WIPI1: variants seen among roughly 807,000 people sequenced by gnomAD.
The protein encoded by WIPI1 is WD repeat domain phosphoinositide-interacting protein 1.
WIPI1 carries 45 observed loss-of-function variants against 55.3 expected under a neutral mutation model. That is an observed-to-expected ratio of 0.81 (90% confidence interval 0.64 to 1.04). WIPI1 has a LOEUF of 1.04. WIPI1 is among the 50% of genes least tolerant of loss of function. The pLI, the probability that WIPI1 is intolerant of heterozygous loss-of-function variation, is 0.00. For missense variants in WIPI1, 445 were observed against 559.0 expected, an observed-to-expected ratio of 0.80 and a Z score of 2.06; for synonymous variants, 195 against 217.6, an observed-to-expected ratio of 0.90 and a Z score of 0.92.
At chr17:68,450,163 C>CA (rs11422156) in intron 3 of WIPI1, among the ~76,000 whole-genome samples, 108,194 of 151,820 alleles carry the variant, frequency 0.71, 38,990 homozygotes, top group Middle Eastern at 0.79. Flanking sequence ...GAAAATGCTA[C>CA]AAAAAAAACA....
chr17:68,433,390 G>T, intron 8 of WIPI1, 78 bp downstream of exon 8: 2 of 1,272,174 alleles, frequency 1.6e-6, no homozygotes, highest in Non-Finnish European at 2.3e-6. Flanking sequence ...AAAGAAAAGA[G>T]ATCATTCATG....
intron 4 of WIPI1, 149 bp downstream of exon 4, chr17:68,444,344 G>A (rs951247856): frequency 2.5e-5 from 17 of 686,924 alleles, no homozygotes; most frequent in African/African-American, 3.7e-5. Context: ...TGAATCTGCC[G>A]CCATTAAGAC....
intron 3 of WIPI1, among the ~76,000 whole-genome samples, chr17:68,447,052 C>A (rs912661099): frequency 6.6e-6 from 1 of 152,216 alleles, no homozygotes; most frequent in African/African-American, 2.4e-5. Context: ...GCCTTCAACT[C>A]AGCTCCTTGT....
chr17:68,424,078 G>A (rs1269437748), intron 12 of WIPI1, among the ~76,000 whole-genome samples: 4 of 152,156 alleles, frequency 2.6e-5, no homozygotes, highest in African/African-American at 9.7e-5. Flanking sequence ...TGAGGGTGCA[G>A]AAGAACGCCC....
At chr17:68,437,043 T>TGTGTGTG (rs2083843495) in intron 4 of WIPI1, among the ~76,000 whole-genome samples, 1 of 149,644 alleles carries the variant, frequency 6.7e-6, no homozygotes, top group Non-Finnish European at 1.5e-5. Context: ...TGTGTATATA[T>TGTGTGTG]TGCTCATTTT....
intron 7 of WIPI1, 53 bp from the exon 8 acceptor site, chr17:68,433,628 C>T: frequency 1.4e-6 from 2 of 1,421,798 alleles, no homozygotes; most frequent in Non-Finnish European, 2.0e-6. Context: ...GGAGTTATGG[C>T]CTTATAACTC....
At chr17:68,456,148 T>C (rs2084640141) in intron 1 of WIPI1, among the ~76,000 whole-genome samples, 1 of 152,252 alleles carries the variant, frequency 6.6e-6, no homozygotes, top group Admixed American at 6.5e-5. Flanking sequence ...GTATTGTGGA[T>C]TGTGGTCAAG....
chr17:68,447,937 G>A (rs1323185778), intron 3 of WIPI1, among the ~76,000 whole-genome samples: 4 of 142,724 alleles, frequency 2.8e-5, no homozygotes, highest in Admixed American at 2.2e-4. Context: ...AGGTTGTGGT[G>A]AGCTGAGACT....
At chr17:68,451,857 G>A (rs751721593) in intron 2 of WIPI1, among the ~76,000 whole-genome samples, 8 of 152,152 alleles carry the variant, frequency 5.3e-5, no homozygotes, top group African/African-American at 1.9e-4. Flanking sequence ...CAAAGGTTAC[G>A]GCTTTGGTAT....
chr17:68,436,124 G>C (rs6501477), intron 5 of WIPI1, among the ~76,000 whole-genome samples: 138,835 of 152,310 alleles, frequency 0.91, 63,578 homozygotes, highest in African/African-American at 0.98. Flanking sequence ...CACATTCAGG[G>C]AGACAACTGG....
chr17:68,429,900 TTC>T (rs1433805536), intron 9 of WIPI1, 94 bp downstream of exon 9: 18 of 1,573,894 alleles, frequency 1.1e-5, no homozygotes, highest in Non-Finnish European at 1.5e-5. Context: ...GGGGCAAGTT[TTC>T]TTTTTTTCTT....
At chr17:68,444,298 A>T (rs1045788534) in intron 4 of WIPI1, among the ~76,000 whole-genome samples, 195 bp downstream of exon 4, 7 of 152,370 alleles carry the variant, frequency 4.6e-5, no homozygotes, top group South Asian at 4.1e-4. Flanking sequence ...TGAAGGGCAC[A>T]CAGCCCCCCT....
chr17:68,426,250 G>GGGGGGGGGT, intron 11 of WIPI1, 75 bp from the exon 12 acceptor site: 4 of 828,060 alleles, frequency 4.8e-6, no homozygotes, highest in South Asian at 2.6e-5. Flanking sequence ...GGTGGGGAGC[G>GGGGGGGGGT]GGGGCTCAAA....
At chr17:68,426,908 C>T (rs1568622522) in intron 11 of WIPI1, among the ~76,000 whole-genome samples, 1 of 152,278 alleles carries the variant, frequency 6.6e-6, no homozygotes, top group South Asian at 2.1e-4. Flanking sequence ...TGATGCCTTG[C>T]CAGGTTGAGG....
intron 3 of WIPI1, 89 bp downstream of exon 3, chr17:68,450,639 T>G: frequency 1.3e-6 from 2 of 1,482,234 alleles, no homozygotes; most frequent in Non-Finnish European, 9.1e-7. Context: ...GAAGCTTGTT[T>G]TACAGACATT....
chr17:68,427,901 CT>C (rs1303761861), intron 10 of WIPI1, among the ~76,000 whole-genome samples: 1 of 151,734 alleles, frequency 6.6e-6, no homozygotes, highest in African/African-American at 2.4e-5. Context: ...GTTTTCTTTT[CT>C]TTTTTGAGAC....
At chr17:68,422,600 A>G (rs1324317103) in intron 12 of WIPI1, 1 of 151,760 alleles carries the variant, frequency 6.6e-6, no homozygotes, top group East Asian at 1.9e-4. Flanking sequence ...GCATGGTAGC[A>G]TGCCTGAAAC....
intron 4 of WIPI1, among the ~76,000 whole-genome samples, chr17:68,437,950 A>T (rs1162254388): frequency 5.6e-5 from 2 of 35,500 alleles, no homozygotes. Flanking sequence ...ATCTCTCTTA[A>T]AAAAAAAAAA....
At chr17:68,437,320 C>T (rs1244504727) in intron 4 of WIPI1, among the ~76,000 whole-genome samples, 2 of 151,782 alleles carry the variant, frequency 1.3e-5, no homozygotes, top group African/African-American at 2.4e-5. Flanking sequence ...TTTGGCAGGC[C>T]GAGGCAGGTG....
Sources: gnomAD v4.1 joint callset for allele counts (sites outside exome capture counted in the v4.1 genomes callset) on GRCh38, gnomAD v4.1.1 for gene constraint, MANE v1.5 for transcripts, NCBI Gene and HGNC (gene_info 2026-07-23, HGNC 2026-07-21) for gene names.